ZFPM2: variants seen among roughly 807,000 people sequenced by gnomAD.
ZFPM2 encodes the protein zinc finger protein ZFPM2.
In ZFPM2, 20 loss-of-function variants were observed where a neutral mutation model predicts 98.6. That is an observed-to-expected ratio of 0.20 (90% CI 0.14 to 0.29). ZFPM2 has a LOEUF of 0.29. Ranked by LOEUF, ZFPM2 falls within the 10% of genes least tolerant of loss-of-function variation. The probability of loss-of-function intolerance (pLI) is 1.00; values close to 1 mark genes in which losing one functional copy is unlikely to be tolerated. For synonymous variants in ZFPM2, 518 were observed against 502.7 expected (o/e 1.03, Z -0.41); for missense variants, 1,310 against 1,388.6 (o/e 0.94, Z 0.90).
chr8:105,324,200 A>G (rs1273603536), intron 1 of ZFPM2, among the ~76,000 whole-genome samples: 1 of 151,868 alleles, frequency 6.6e-6, no homozygotes, highest in East Asian at 1.9e-4. Context: ...AAAGATTTAT[A>G]CATTGCTTTG....
At chr8:105,383,702 CAT>C (rs930987528) in intron 1 of ZFPM2, among the ~76,000 whole-genome samples, 1 of 151,890 alleles carries the variant, frequency 6.6e-6, no homozygotes, top group African/African-American at 2.4e-5. Flanking sequence ...GAGTGTTGTT[CAT>C]ATATATTGTT....
At chr8:105,402,885 GA>G (rs1440248872) in intron 1 of ZFPM2, among the ~76,000 whole-genome samples, 18 of 152,030 alleles carry the variant, frequency 1.2e-4, no homozygotes, top group Admixed American at 9.8e-4. Context: ...AGAGCCAGAA[GA>G]TTGGAGACTG....
intron 4 of ZFPM2, among the ~76,000 whole-genome samples, chr8:105,604,324 G>A (rs1043523628): frequency 6.6e-6 from 1 of 151,894 alleles, no homozygotes; most frequent in Non-Finnish European, 1.5e-5. Flanking sequence ...TATCCTGGTT[G>A]AGGACACCAT....
chr8:105,671,648 G>A (rs990447026), intron 5 of ZFPM2, among the ~76,000 whole-genome samples: 1 of 151,912 alleles, frequency 6.6e-6, no homozygotes, highest in Non-Finnish European at 1.5e-5. Context: ...TAAATAAATA[G>A]GTGGTTTTTT....
intron 3 of ZFPM2, among the ~76,000 whole-genome samples, chr8:105,453,574 T>G (rs1346440387): frequency 6.6e-6 from 1 of 152,206 alleles, no homozygotes; most frequent in Non-Finnish European, 1.5e-5. Flanking sequence ...GTTATCAACT[T>G]TTAGCTAATC....
At chr8:105,538,659 A>G (rs1360614250) in intron 3 of ZFPM2, among the ~76,000 whole-genome samples, 5 of 151,716 alleles carry the variant, frequency 3.3e-5, no homozygotes, top group East Asian at 3.9e-4. Flanking sequence ...GTCTTCCAAG[A>G]TCATTGTTAT....
chr8:105,635,396 TTG>T (rs1275850891), intron 5 of ZFPM2, among the ~76,000 whole-genome samples: 1 of 152,070 alleles, frequency 6.6e-6, no homozygotes. Flanking sequence ...TATAAGAGGA[TTG>T]TCTCTTAACT....
At chr8:105,641,385 T>G (rs1816945920) in intron 5 of ZFPM2, among the ~76,000 whole-genome samples, 1 of 152,042 alleles carries the variant, frequency 6.6e-6, no homozygotes, top group Admixed American at 6.6e-5. Flanking sequence ...CTTTTTCTGG[T>G]TACGTTCTAT....
chr8:105,708,730 C>T lies in ZFPM2; in HGVS notation c.532+74373C>T, dbSNP rs138289331. On this transcript the variant is annotated intron_variant, in intron 5 of 7. Transcript: ENST00000407775. The stretch of plus-strand genomic sequence containing the variant: ...TAGTGCTGGGATTATTGGCATGAGT[C>T]ACCGTGCCTGGCCTATTATTAGTAG... Among the ~76,000 whole-genome samples, 1,276 of 152,286 alleles carry T rather than the reference C, an allele frequency of 8.4e-3. 17 individuals are homozygous for T. Among genetic ancestry groups the T allele is most frequent in the African/African-American group, 0.027 (1,136 of 41,558 alleles).
intron 3 of ZFPM2, among the ~76,000 whole-genome samples, chr8:105,479,358 T>C (rs1398373057): frequency 1.3e-5 from 2 of 152,240 alleles, no homozygotes; most frequent in Admixed American, 6.5e-5. Context: ...CTAGTAAACA[T>C]TGTTTCTTTT....
At chr8:105,352,435 G>A (rs531165892) in intron 1 of ZFPM2, among the ~76,000 whole-genome samples, 2 of 152,178 alleles carry the variant, frequency 1.3e-5, no homozygotes, top group African/African-American at 4.8e-5. Context: ...AAAAGTAATA[G>A]CATTTATATT....
chr8:105,447,916 G>A (rs1195273120), intron 3 of ZFPM2, among the ~76,000 whole-genome samples: 1 of 152,024 alleles, frequency 6.6e-6, no homozygotes, highest in East Asian at 1.9e-4. Context: ...TAAAAGATAT[G>A]TTTTGTTATC....
At chr8:105,764,897 G>A (rs906445665) in intron 5 of ZFPM2, among the ~76,000 whole-genome samples, 2 of 151,738 alleles carry the variant, frequency 1.3e-5, no homozygotes, top group Non-Finnish European at 2.9e-5. Context: ...AGAGAAGTTT[G>A]ATTTACCTGT....
intron 4 of ZFPM2, among the ~76,000 whole-genome samples, chr8:105,630,514 A>AT (rs575588450): frequency 1.5e-4 from 23 of 151,910 alleles, no homozygotes; most frequent in Non-Finnish European, 1.3e-4. Flanking sequence ...TCTTTGCTCC[A>AT]TTTTTTTTCT....
At chr8:105,730,326 A>T (rs1173227020) in intron 5 of ZFPM2, among the ~76,000 whole-genome samples, 1 of 151,790 alleles carries the variant, frequency 6.6e-6, no homozygotes, top group Non-Finnish European at 1.5e-5. Context: ...AACTCATAAC[A>T]TGTAGACTTC....
intron 3 of ZFPM2, among the ~76,000 whole-genome samples, chr8:105,538,333 C>T (rs569362533): frequency 2.4e-4 from 36 of 152,120 alleles, no homozygotes; most frequent in African/African-American, 8.2e-4. Context: ...TAAATCATAC[C>T]CAGGCTTTAC....
chr8:105,644,506 T>G (rs544088838), intron 5 of ZFPM2, among the ~76,000 whole-genome samples: 1 of 151,700 alleles, frequency 6.6e-6, no homozygotes, highest in Admixed American at 6.6e-5. Flanking sequence ...CTCTCTCTCT[T>G]TCTGTTTTTC....
rs534761143 is a variant in ZFPM2, at chr8:105,335,105, G to T, written c.40+16124G>T. Among the ~76,000 whole-genome samples the T allele has an allele frequency of 2.5e-3, 376 of 151,858 alleles. 1 individual carries two copies. The highest frequency in any genetic ancestry group is 4.2e-3 in the Non-Finnish European group (288 of 67,796). On this transcript the variant is annotated intron_variant, in intron 1 of 7. Transcript: ENST00000407775. ...TGTTGAATTTTTGTCAGATAATTTT[G>T]AAAGTGGACATAAGGTTAGGAAACA...
At chr8:105,554,203 G>A (rs1814931399) in intron 3 of ZFPM2, among the ~76,000 whole-genome samples, 1 of 152,082 alleles carries the variant, frequency 6.6e-6, no homozygotes, top group South Asian at 2.1e-4. Flanking sequence ...GATCAATATA[G>A]CATAATATAA....
Sources: gnomAD v4.1 joint callset for allele counts (sites outside exome capture counted in the v4.1 genomes callset) on GRCh38, gnomAD v4.1.1 for gene constraint, MANE v1.5 for transcripts, NCBI Gene and HGNC (gene_info 2026-07-23, HGNC 2026-07-21) for gene names.